Variants in MEF2C observed in about 807,000 individuals in gnomAD.
The protein encoded by MEF2C is myocyte enhancer factor 2C, also known as myocyte-specific enhancer factor 2C.
Under a neutral mutation model 50.5 loss-of-function variants are expected in MEF2C, and 6 were observed. The ratio of observed to expected loss-of-function variants is 0.12; its 90% CI spans 0.07 to 0.23. The LOEUF (loss-of-function observed/expected upper bound fraction) is 0.23. Among genes scored for constraint, MEF2C ranks in the 10% least tolerant of loss-of-function variants. MEF2C has a pLI of 1.00. For missense variants in MEF2C, 276 were observed against 605.0 expected, an observed-to-expected ratio of 0.46 and a Z score of 5.70; for synonymous variants, 183 against 228.0, an observed-to-expected ratio of 0.80 and a Z score of 1.78.
chr5:88,899,377 T>A (rs975307428), intron 1 of MEF2C, among the ~76,000 whole-genome samples: 6 of 152,172 alleles, frequency 3.9e-5, no homozygotes, highest in Non-Finnish European at 7.4e-5. Context: ...CAGATTCCTT[T>A]TGAGACTTCC....
At chr5:88,741,669 A>G in intron 6 of MEF2C, 2 of 975,656 alleles carry the variant, frequency 2.0e-6, no homozygotes, top group Non-Finnish European at 2.4e-6. Flanking sequence ...ATAATGTTCT[A>G]TATTAGTATA....
At chr5:88,887,627 A>G (rs1256857010), upstream of MEF2C, 5 of 152,222 alleles carry the variant, frequency 3.3e-5, no homozygotes, top group Non-Finnish European at 7.3e-5. Flanking sequence ...AAAACAGTAT[A>G]TAGTATTTTG....
At chr5:88,745,537 C>T (rs926039206) in intron 6 of MEF2C, among the ~76,000 whole-genome samples, 3 of 152,194 alleles carry the variant, frequency 2.0e-5, no homozygotes, top group Admixed American at 2.0e-4. Flanking sequence ...AGGCCGGGTG[C>T]AGAGGCTCAC....
chr5:88,801,370 G>C (rs1384411726), intron 3 of MEF2C, among the ~76,000 whole-genome samples: 1 of 152,088 alleles, frequency 6.6e-6, no homozygotes, highest in Non-Finnish European at 1.5e-5. Flanking sequence ...TTGACTTTAT[G>C]GTAGATCCAT....
At chr5:88,811,510 T>C (rs1802790224) in intron 2 of MEF2C, among the ~76,000 whole-genome samples, 1 of 152,118 alleles carries the variant, frequency 6.6e-6, no homozygotes, top group Non-Finnish European at 1.5e-5. Flanking sequence ...AATTTTTAGA[T>C]GTTCTTAATC....
intron 1 of MEF2C, chr5:88,825,383 C>T (rs1182384147): frequency 2.8e-5 from 16 of 581,522 alleles, no homozygotes; most frequent in African/African-American, 2.2e-4. Context: ...TTTTGCCTCA[C>T]GCCTCTCTAC....
At chr5:88,799,744 G>T (rs1797490846) in intron 3 of MEF2C, among the ~76,000 whole-genome samples, 1 of 152,082 alleles carries the variant, frequency 6.6e-6, no homozygotes, top group Non-Finnish European at 1.5e-5. Flanking sequence ...CAAAACAGAA[G>T]TCAGGATTCA....
In MEF2C at chr5:88,829,155, T is replaced by C. The variant is rs1283590484; in HGVS notation, c.-142-5225A>G. 4.6e-5 allele frequency among the ~76,000 whole-genome samples: 7 copies of C among 152,006 alleles called. No individual in the cohort carries two copies. The East Asian group carries it at 7.7e-4, about 17-fold the overall frequency. On this transcript the variant is annotated intron_variant, in intron 1 of 10. Transcript: ENST00000504921. ...AACATAGTACCACATATACAAATAATGTTGACCATCTTTTCCATTTCCTCA... is the reference window on the plus strand; with the variant it reads ...AACATAGTACCACATATACAAATAACGTTGACCATCTTTTCCATTTCCTCA...
chr5:88,742,517 G>C, intron 6 of MEF2C: 1 of 979,934 alleles, frequency 1.0e-6, no homozygotes, highest in Non-Finnish European at 1.2e-6. Flanking sequence ...TAGAAGGATA[G>C]AGAATAAAAA....
chr5:88,878,243 C>G (rs1486491552), intron 1 of MEF2C, among the ~76,000 whole-genome samples: 1 of 151,966 alleles, frequency 6.6e-6, no homozygotes, highest in Non-Finnish European at 1.5e-5. Flanking sequence ...GTAGAAGAAA[C>G]TCATGAATGT....
intron 3 of MEF2C, among the ~76,000 whole-genome samples, chr5:88,787,583 A>G (rs1180045697): frequency 1.3e-5 from 2 of 152,240 alleles, no homozygotes; most frequent in Non-Finnish European, 2.9e-5. Context: ...TTAAAGTCCT[A>G]TATCCTAGAA....
At chr5:88,818,022 A>C (rs193009566) in intron 2 of MEF2C, among the ~76,000 whole-genome samples, 2 of 152,096 alleles carry the variant, frequency 1.3e-5, no homozygotes, top group Admixed American at 1.3e-4. Context: ...AATGCATTCA[A>C]GTGTTCTATC....
chr5:88,817,864 T>C (rs1229858807), intron 2 of MEF2C: 1 of 151,900 alleles, frequency 6.6e-6, no homozygotes, highest in Non-Finnish European at 1.5e-5. Context: ...TACAAGTAAA[T>C]AGGTTTAGGC....
chr5:88,843,972 G>C (rs922284483), intron 1 of MEF2C, among the ~76,000 whole-genome samples: 9 of 152,028 alleles, frequency 5.9e-5, no homozygotes, highest in African/African-American at 2.2e-4. Context: ...ACCACGCCTG[G>C]ATAATTTTTT....
intron 3 of MEF2C, among the ~76,000 whole-genome samples, chr5:88,786,350 T>A (rs1308387537): frequency 6.6e-6 from 1 of 152,210 alleles, no homozygotes; most frequent in African/African-American, 2.4e-5. Flanking sequence ...TCTCCAATGA[T>A]TAAACTGCGA....
chr5:88,741,503 G>A, intron 6 of MEF2C: 1 of 985,202 alleles, frequency 1.0e-6, no homozygotes, highest in Non-Finnish European at 1.2e-6. Flanking sequence ...TACTCCTTGG[G>A]CAAAAATTTT....
At position 88,761,174 on chromosome 5, in the gene MEF2C, T is replaced by C. The variant is rs1777689047; in HGVS notation, c.402+11A>G. 6.2e-7 allele frequency: 1 copy of C among 1,614,056 alleles called. No homozygotes were observed. Among genetic ancestry groups the C allele is most frequent in the Non-Finnish European group, 8.5e-7 (1 of 1,179,900 alleles). On this transcript the variant is annotated intron_variant, in intron 4 of 10. Coordinates refer to ENST00000504921, the MANE Select transcript of MEF2C (RefSeq NM_002397.5). ...AGAGTAAAAAAAATGAAGGGTGTTC[T>C]GAGTACTTACACACAATCTTTGCCT...
At chr5:88,770,279 T>C (rs1483163145) in intron 3 of MEF2C, among the ~76,000 whole-genome samples, 3 of 152,230 alleles carry the variant, frequency 2.0e-5, no homozygotes, top group African/African-American at 7.2e-5. Context: ...AAATAACATG[T>C]TGGAGCATCT....
In MEF2C at chr5:88,749,064, G is replaced by A; in HGVS notation, c.637+6C>T. The A allele has an allele frequency of 6.4e-7, 1 of 1,570,108 alleles. No homozygotes were observed. Among genetic ancestry groups the A allele is most frequent in the Non-Finnish European group, 8.6e-7 (1 of 1,156,848 alleles). ...ATACATACTGCAGTATGGAGTCTGG[G>A]CTTACCTGCACTGGTGCCTGCACCA... On this transcript the variant is annotated splice_donor_region_variant and intron_variant, in intron 6 of 10. Transcript: ENST00000504921.
Sources: gnomAD v4.1 joint callset for allele counts (sites outside exome capture counted in the v4.1 genomes callset) on GRCh38, gnomAD v4.1.1 for gene constraint, MANE v1.5 for transcripts, NCBI Gene and HGNC (gene_info 2026-07-23, HGNC 2026-07-21) for gene names.